The following OR2T11 variants were observed in gnomAD, a reference collection of about 807,000 sequenced individuals.
OR2T11 encodes olfactory receptor family 2 subfamily T member 11, also known as olfactory receptor 2T11.
In OR2T11, 14 loss-of-function variants were observed where a neutral mutation model predicts 13.5. The ratio of observed to expected loss-of-function variants is 1.04; its 90% CI spans 0.69 to 1.62. The LOEUF (loss-of-function observed/expected upper bound fraction) is 1.62, where lower values mean the gene tolerates loss of function less well. Among genes scored for constraint, OR2T11 ranks in the 40% most tolerant of loss-of-function variants. The pLI is 0.00. For missense variants in OR2T11, 410 were observed against 389.7 expected, an observed-to-expected ratio of 1.05 and a Z score of -0.44; for synonymous variants, 163 against 154.6, an observed-to-expected ratio of 1.05 and a Z score of -0.40.
At position 248,628,791 on chromosome 1, in the gene OR2T11, A is replaced by G. The variant is rs1279942109; in HGVS notation, c.-144-1519T>C. ...CAATTTCCCTCTGATTGATATATTCATATTACTGTGAAAGGGGCTAAGGAC... is the reference window on the plus strand; with the variant it reads ...CAATTTCCCTCTGATTGATATATTCGTATTACTGTGAAAGGGGCTAAGGAC... On this transcript the variant is annotated intron_variant, in intron 1 of 1. Coordinates refer to ENST00000641193, the MANE Select transcript of OR2T11 (RefSeq NM_001001964.2). Among the ~76,000 whole-genome samples the G allele has an allele frequency of 2.8e-5, 4 of 142,854 alleles. 2 individuals are homozygous for G. The highest frequency in any genetic ancestry group is 1.4e-4 in the Admixed American group (2 of 14,670). 93.7% of individuals were successfully genotyped at this position (142,854 alleles called of 152,430 possible). A position where few individuals can be genotyped will look rare whatever the true frequency, so the allele number is the denominator to read the frequency against.
Position 248,634,180 on chromosome 1 carries a change from C to T in OR2T11, c.-145+858G>A, listed in dbSNP as rs549434634. On this transcript the variant is annotated intron_variant, in intron 1 of 1. Transcript: ENST00000641193. Reference sequence around the variant, plus strand: ...TGAAAGTTTTCATTCGTTTATTACACTAGTATTTATTAAGGGCAAATTCTA... The same window carrying T: ...TGAAAGTTTTCATTCGTTTATTACATTAGTATTTATTAAGGGCAAATTCTA... Among the ~76,000 whole-genome samples, 15 of 142,066 alleles carry T rather than the reference C, an allele frequency of 1.1e-4. 3 individuals are homozygous for T. The highest frequency in any genetic ancestry group is 2.7e-4 in the Admixed American group (4 of 14,606). 93.2% of individuals were successfully genotyped at this position (142,066 alleles called of 152,430 possible).
At chr1:248,629,265 C>T (rs1304707875) in intron 1 of OR2T11, among the ~76,000 whole-genome samples, 4 of 141,814 alleles carry the variant, frequency 2.8e-5, no homozygotes, top group Non-Finnish European at 4.5e-5. Context: ...TGGTGGTGCA[C>T]GTCAGTCGTC....
Position 248,623,928 on chromosome 1 carries a change from T to G in OR2T11, c.*2250A>C, listed in dbSNP as rs1053617183. ...TTACCTCTTCTCCAAGATGATTCTC[T>G]TCTCCTCTCAAACTTTTGACGGGAC... On this transcript the variant is annotated 3_prime_UTR_variant, in exon 2 of 2. Transcript: ENST00000641193. 1.5e-5 allele frequency: 2 copies of G among 137,926 alleles called. No homozygotes were observed. The highest frequency in any genetic ancestry group is 5.7e-5 in the African/African-American group (2 of 35,336). The allele number at this position is 137,926 out of a possible 1,614,324, so 8.5% of individuals were successfully genotyped here.
In OR2T11 at chr1:248,633,269, G is replaced by A. The variant is rs370349410; in HGVS notation, c.-145+1769C>T. ...TTCTAAGTGACCACTGGAATGTGAG[G>A]TGATCTATGTTCATCTTCATCCTAT... On this transcript the variant is annotated intron_variant, in intron 1 of 1. Coordinates refer to ENST00000641193, the MANE Select transcript of OR2T11 (RefSeq NM_001001964.2). Among the ~76,000 whole-genome samples, 13 of 140,096 alleles carry A rather than the reference G, an allele frequency of 9.3e-5. No individual in the cohort carries two copies. In the East Asian group the frequency reaches 2.1e-3, roughly 22 times the overall value. 91.9% of individuals were successfully genotyped at this position (140,096 alleles called of 152,430 possible).
chr1:248,634,627 G>A (rs1660660871), intron 1 of OR2T11, among the ~76,000 whole-genome samples: 1 of 139,230 alleles, frequency 7.2e-6, no homozygotes, highest in African/African-American at 2.9e-5. Flanking sequence ...CCATAAAGTT[G>A]TCTATGAATA....
rs1228768877 is a variant in OR2T11, at chr1:248,623,792, ACAT to A, written c.*2383_*2385del. ...ATTTTCTGGCCACCATCCCGAACAC[ACAT>A]CATGAATCGTCTGACAAATGTGCTG... On this transcript the variant is annotated 3_prime_UTR_variant, in exon 2 of 2. Coordinates refer to ENST00000641193, the MANE Select transcript of OR2T11 (RefSeq NM_001001964.2). 2 of 142,926 alleles carry A rather than the reference ACAT, an allele frequency of 1.4e-5. No homozygotes were observed. Among genetic ancestry groups the A allele is most frequent in the African/African-American group, 5.5e-5 (2 of 36,090 alleles). 8.9% of individuals were successfully genotyped at this position (142,926 alleles called of 1,614,324 possible).
In OR2T11 at chr1:248,626,262, G is replaced by C; in HGVS notation, c.867C>G (p.Leu289=). 1 of 1,569,964 alleles carries C rather than the reference G, an allele frequency of 6.4e-7. No homozygotes were observed. The highest frequency in any genetic ancestry group is 1.1e-5 in the South Asian group (1 of 88,834). ...ATGCCCCTATGACGTCCTTGTTTCT[G>C]AGGCTGTAGATGAGAGGATTAAGCA... ...TPMLNPLIYS[L]RNKDVIGAFK... is the part of the protein sequence containing the mutation. The change falls in exon 2 of 2, where the codon CTC becomes CTG. Residue 289 remains leucine, a synonymous_variant. Coordinates refer to ENST00000641193, the MANE Select transcript of OR2T11 (RefSeq NM_001001964.2).
chr1:248,628,643 A>G (rs1321514326), intron 1 of OR2T11, among the ~76,000 whole-genome samples: 1 of 143,472 alleles, frequency 7.0e-6, no homozygotes, highest in East Asian at 2.0e-4. Flanking sequence ...TGCTGAAGTC[A>G]TATCTGGTTT....
Position 248,626,422 on chromosome 1 carries a change from G to A in OR2T11, c.707C>T (p.Thr236Ile). ...TACAGTCAAGTGGGAGGAACAAGTG[G>A]TGAAGGCCTTTTTGCGACCTTCAGC... ...PSAEGRKKAF[T>I]TCSSHLTVVS... The change falls in exon 2 of 2, where the codon ACC (threonine) becomes ATC (isoleucine). Residue 236 changes from threonine (T) to isoleucine (I), a missense_variant. Physicochemically the swap from Thr to Ile is moderately conservative, Grantham distance 89. Transcript: ENST00000641193. The A allele has an allele frequency of 6.4e-7, 1 of 1,571,306 alleles. No individual in the cohort carries two copies. Among genetic ancestry groups the A allele is most frequent in the South Asian group, 1.1e-5 (1 of 88,868 alleles).
At chr1:248,633,458 TAC>T (rs770369658) in intron 1 of OR2T11, among the ~76,000 whole-genome samples, 1,463 of 100,356 alleles carry the variant, frequency 0.015, 191 homozygotes, top group Middle Eastern at 0.031. Flanking sequence ...TAAAGATTTT[TAC>T]AATCTTTCAA....
chr1:248,629,687 T>TG (rs1454847350), intron 1 of OR2T11, among the ~76,000 whole-genome samples: 2 of 139,844 alleles, frequency 1.4e-5, no homozygotes, highest in Non-Finnish European at 3.1e-5. Flanking sequence ...CTGAACATTT[T>TG]GTCTTCTGAA....
In OR2T11 at chr1:248,627,196, C is replaced by G. The variant is rs775836629; in HGVS notation, c.-68G>C. The G allele has an allele frequency of 3.3e-5, 31 of 930,676 alleles. 3 individuals carry two copies. The East Asian group carries it at 7.6e-4, about 23-fold the overall frequency. The allele number at this position is 930,676 out of a possible 1,614,324, so 57.7% of individuals were successfully genotyped here. On this transcript the variant is annotated 5_prime_UTR_variant, in exon 2 of 2. Coordinates refer to ENST00000641193, the MANE Select transcript of OR2T11 (RefSeq NM_001001964.2). ...GGACCAGGAAGGAGGCAAGAGAACA[C>G]GGTCAAGATGGGAAAGGTCTGCAGT...
rs1660495667 is a variant in OR2T11 at position 248,625,105 on chromosome 1, T to C, written c.*1073A>G. 7.0e-6 allele frequency: 1 copy of C among 143,694 alleles called. No individual in the cohort carries two copies. The highest frequency in any genetic ancestry group is 6.8e-5 in the Admixed American group (1 of 14,764). 8.9% of individuals were successfully genotyped at this position (143,694 alleles called of 1,614,324 possible). On this transcript the variant is annotated 3_prime_UTR_variant, in exon 2 of 2. Coordinates refer to ENST00000641193, the MANE Select transcript of OR2T11 (RefSeq NM_001001964.2). ...TTCTGCTACCGACAAGTTTTCCAAA[T>C]ATCAATATTCCATTTTTTTATTCAC...
chr1:248,626,513 T>C lies in OR2T11; in HGVS notation c.616A>G (p.Ile206Val). The C allele has an allele frequency of 1.3e-6, 2 of 1,569,242 alleles. No homozygotes were observed. The highest frequency in any genetic ancestry group is 1.7e-6 in the Non-Finnish European group (2 of 1,153,342). The change falls in exon 2 of 2, where the codon ATC becomes GTC. Residue 206 changes from isoleucine to valine, a missense_variant. Transcript: ENST00000641193. ...GAAGTGGAGATGATAGAGATGGGGA[T>C]GAGCAACATGAGGACACAGCAGATG... ...MYICCVLMLLIPISIISTSYS... is the reference protein window; with the variant it reads ...MYICCVLMLLVPISIISTSYS...
At position 248,630,828 on chromosome 1, in the gene OR2T11, A is replaced by C. The variant is rs1249048248; in HGVS notation, c.-144-3556T>G. 1.4e-5 allele frequency among the ~76,000 whole-genome samples: 2 copies of C among 143,618 alleles called. 1 individual carries two copies. Among genetic ancestry groups the C allele is most frequent in the Non-Finnish European group, 3.0e-5 (2 of 66,358 alleles). The allele number at this position is 143,618 out of a possible 152,430, so 94.2% of individuals were successfully genotyped here. A position where few individuals can be genotyped will look rare whatever the true frequency, so the allele number is the denominator to read the frequency against. On this transcript the variant is annotated intron_variant, in intron 1 of 1. Transcript: ENST00000641193. ...CGATGAATATGCTCTCTTAAGTGGC[A>C]AAAAAGACTTTGTGGGTATGATTAA...
At position 248,626,940 on chromosome 1, in the gene OR2T11, C is replaced by G; in HGVS notation, c.189G>C (p.Leu63=). Residue 63 remains leucine, a synonymous_variant, in exon 2 of 2, where the codon CTG becomes CTC. Coordinates refer to ENST00000641193, the MANE Select transcript of OR2T11 (RefSeq NM_001001964.2). ...HTPMYFLLSQ[L]SIMDTLFICT... ...AGATGAAAAGGGTGTCCATGATGGACAGCTGACTGAGCAGAAAGTACATGG... is the reference window on the plus strand; with the variant it reads ...AGATGAAAAGGGTGTCCATGATGGAGAGCTGACTGAGCAGAAAGTACATGG... The G allele has an allele frequency of 6.4e-7, 1 of 1,571,952 alleles. No individual in the cohort carries two copies. Among genetic ancestry groups the G allele is most frequent in the Non-Finnish European group, 8.7e-7 (1 of 1,155,982 alleles).
intron 1 of OR2T11, among the ~76,000 whole-genome samples, chr1:248,634,765 AGG>A (rs1367332880): frequency 1.5e-3 from 218 of 142,896 alleles, no homozygotes; most frequent in Middle Eastern, 6.9e-3. Flanking sequence ...CCAACTTGAC[AGG>A]GATGTTCTGT....
Position 248,633,325 on chromosome 1 carries a change from G to A in OR2T11, c.-145+1713C>T, listed in dbSNP as rs1246813275. ...GTTCATTGTATTCTTAAGTGAAAAGGTGGCATATTTTCAACCTATATAATC... is the reference window on the plus strand; with the variant it reads ...GTTCATTGTATTCTTAAGTGAAAAGATGGCATATTTTCAACCTATATAATC... On this transcript the variant is annotated intron_variant, in intron 1 of 1. Transcript: ENST00000641193. Among the ~76,000 whole-genome samples the A allele has an allele frequency of 1.4e-5, 2 of 142,370 alleles. 1 individual carries two copies. Among genetic ancestry groups the A allele is most frequent in the Non-Finnish European group, 3.0e-5 (2 of 66,080 alleles). 93.4% of individuals were successfully genotyped at this position (142,370 alleles called of 152,430 possible).
chr1:248,633,193 TCTG>T lies in OR2T11; in HGVS notation c.-145+1842_-145+1844del, dbSNP rs1443469145. 1.2e-4 allele frequency among the ~76,000 whole-genome samples: 15 copies of T among 121,178 alleles called. 1 individual carries two copies. The highest frequency in any genetic ancestry group is 3.8e-4 in the African/African-American group (11 of 28,880). 79.5% of individuals were successfully genotyped at this position (121,178 alleles called of 152,430 possible). The stretch of plus-strand genomic sequence containing the variant: ...TAAGAAAGTGGAAGTAACCTAAGCG[TCTG>T]CTAACTGGACATGTACTAAATAATT... On this transcript the variant is annotated intron_variant, in intron 1 of 1. Coordinates refer to ENST00000641193, the MANE Select transcript of OR2T11 (RefSeq NM_001001964.2).
Sources: gnomAD v4.1 joint callset for allele counts (sites outside exome capture counted in the v4.1 genomes callset) on GRCh38, gnomAD v4.1.1 for gene constraint, MANE v1.5 for transcripts, NCBI Gene and HGNC (gene_info 2026-07-23, HGNC 2026-07-21) for gene names.